Variants in TMEM143 observed in about 807,000 individuals in gnomAD.
TMEM143 encodes the protein transmembrane protein 143.
Under a neutral mutation model 40.3 loss-of-function variants are expected in TMEM143, and 45 were observed. The observed-to-expected ratio is 1.12, with a 90% CI of 0.88 to 1.43. The LOEUF (loss-of-function observed/expected upper bound fraction) is 1.43. Among genes scored for constraint, TMEM143 ranks in the 40% most tolerant of loss-of-function variants. The pLI is 0.00. For synonymous variants in TMEM143, 299 were observed against 282.7 expected, an observed-to-expected ratio of 1.06 and a Z score of -0.58; for missense variants, 620 against 613.4, an observed-to-expected ratio of 1.01 and a Z score of -0.11.
chr19:48,347,173 G>A (rs1025473135), intron 3 of TMEM143, among the ~76,000 whole-genome samples: 2 of 152,094 alleles, frequency 1.3e-5, no homozygotes, highest in Non-Finnish European at 2.9e-5. Context: ...CATATAACTT[G>A]TCCCAGACTC....
chr19:48,363,849 G>T (rs764820321), intron 1 of TMEM143, 49 bp downstream of exon 1: 2 of 1,613,090 alleles, frequency 1.2e-6, no homozygotes, highest in South Asian at 1.1e-5. Flanking sequence ...TACCTAGGGG[G>T]TGCAGGGCCG....
Position 48,345,149 on chromosome 19 carries a change from G to A in TMEM143, c.564+11C>T, listed in dbSNP as rs1271485305. ...CTCCTGGGAGTTTTGTTCTCCTAGG[G>A]AGCCAAGTACCTGGACCTCATCCTG... On this transcript the variant is annotated intron_variant, in intron 4 of 7. Transcript: ENST00000293261. The A allele has an allele frequency of 1.2e-6, 2 of 1,611,870 alleles. No homozygotes were observed. Among genetic ancestry groups the A allele is most frequent in the South Asian group, 1.1e-5 (1 of 91,014 alleles).
Position 48,363,313 on chromosome 19 carries a change from T to A in TMEM143, c.242A>T (p.Gln81Leu). 3 of 1,614,072 alleles carry A rather than the reference T, an allele frequency of 1.9e-6. No individual in the cohort carries two copies. Among genetic ancestry groups the A allele is most frequent in the Non-Finnish European group, 2.5e-6 (3 of 1,179,982 alleles). Residue 81 changes from glutamine to leucine, a missense_variant, in exon 2 of 8, where the codon CAG (glutamine) becomes CTG (leucine). Transcript: ENST00000293261. ...TACCTGTATTAGGAGGCGGAGCAGCTGCTCCTTGGAGAAGGGAATGAAGCG... is the reference window on the plus strand; with the variant it reads ...TACCTGTATTAGGAGGCGGAGCAGCAGCTCCTTGGAGAAGGGAATGAAGCG... Reference protein sequence around the residue: ...RERFIPFSKEQLLRLLIQEFH... With the variant: ...RERFIPFSKELLLRLLIQEFH...
intron 6 of TMEM143, among the ~76,000 whole-genome samples, chr19:48,339,198 G>A (rs1179773487): frequency 6.6e-6 from 1 of 152,154 alleles, no homozygotes; most frequent in Admixed American, 6.5e-5. Flanking sequence ...GGGACAGGAA[G>A]GGTGGGCTGG....
At chr19:48,341,231 C>T (rs780112649) in intron 6 of TMEM143, among the ~76,000 whole-genome samples, 3 of 152,200 alleles carry the variant, frequency 2.0e-5, no homozygotes, top group Admixed American at 6.5e-5. Context: ...GACTCAGCCT[C>T]GAGACAGGAC....
chr19:48,334,480 TTTTC>T (rs150234551), intron 6 of TMEM143, among the ~76,000 whole-genome samples: 17 of 47,520 alleles, frequency 3.6e-4, no homozygotes, highest in South Asian at 6.1e-4. Flanking sequence ...CTTTCTTTCT[TTTTC>T]TTTCTTTCTT....
intron 3 of TMEM143, among the ~76,000 whole-genome samples, chr19:48,358,414 A>T (rs1164806619): frequency 6.6e-6 from 1 of 152,014 alleles, no homozygotes; most frequent in Non-Finnish European, 1.5e-5. Context: ...TAGAATAAAT[A>T]AATTCATAAA....
At chr19:48,361,594 G>A (rs575090756) in intron 2 of TMEM143, among the ~76,000 whole-genome samples, 6 of 144,792 alleles carry the variant, frequency 4.1e-5, no homozygotes, top group South Asian at 4.4e-4. Flanking sequence ...GCAGTGGCAC[G>A]ATCTCGGCTC....
rs763094019 is a variant in TMEM143 at position 48,363,527 on chromosome 19, G to T, written c.28C>A (p.Arg10=). Residue 10 remains arginine, a synonymous_variant, in exon 2 of 8, where the codon CGG becomes AGG. Transcript: ENST00000293261. MTVELWLRL[R]GKGLAMLHVT... ...TGCAGCATGGCTAGACCCTTTCCCC[G>T]GAGCCTAAACAGAGGAAAATGGGCA... The T allele has an allele frequency of 1.2e-6, 2 of 1,608,020 alleles. No homozygotes were observed. Among genetic ancestry groups the T allele is most frequent in the Admixed American group, 1.7e-5 (1 of 59,272 alleles).
At chr19:48,342,358 C>T (rs1175346149) in intron 6 of TMEM143, among the ~76,000 whole-genome samples, 172 bp downstream of exon 6, 1 of 41,524 alleles carries the variant, frequency 2.4e-5, no homozygotes, top group Non-Finnish European at 4.9e-5. Flanking sequence ...GAAGGAAGGA[C>T]AGGGAGGGAA....
Position 48,345,343 on chromosome 19 carries a change from G to T in TMEM143, c.381C>A (p.Asp127Glu). Reference protein sequence around the residue: ...QILARLQALYDPINPDRETLD... With the variant: ...QILARLQALYEPINPDRETLD... ...GGGTCTCCCTGTCAGGGTTGATGGGGTCATATAAGGCCTAAGAGGAGAGTC... is the reference window on the plus strand; with the variant it reads ...GGGTCTCCCTGTCAGGGTTGATGGGTTCATATAAGGCCTAAGAGGAGAGTC... The change falls in exon 4 of 8, where the codon GAC becomes GAA. Residue 127 changes from aspartate (D) to glutamate (E), a missense_variant. Transcript: ENST00000293261. The T allele has an allele frequency of 6.4e-7, 1 of 1,565,184 alleles. No homozygotes were observed. The highest frequency in any genetic ancestry group is 8.6e-7 in the Non-Finnish European group (1 of 1,158,088).
At chr19:48,352,468 TA>T (rs1969799373) in intron 3 of TMEM143, among the ~76,000 whole-genome samples, 2 of 68,600 alleles carry the variant, frequency 2.9e-5, no homozygotes, top group South Asian at 1.2e-3. Flanking sequence ...CACGCACAGT[TA>T]ATTAAAAAAA....
In TMEM143 at chr19:48,333,115, TG is replaced by T; in HGVS notation, c.*103del. On this transcript the variant is annotated 3_prime_UTR_variant, in exon 8 of 8. Coordinates refer to ENST00000293261, the MANE Select transcript of TMEM143 (RefSeq NM_018273.4). The surrounding 1 kb of genome is among the most constrained non-coding windows in gnomAD (Gnocchi z 4.1). ...GCAAAAATAATCACCTGTCAGTTAT[TG>T]GAAGTTGGAGTGAAAAGTATAATAA... is the stretch of plus-strand genomic sequence containing the variant. 1.1e-6 allele frequency: 1 copy of T among 899,962 alleles called. No individual in the cohort carries two copies. The highest frequency in any genetic ancestry group is 3.7e-5 in the Admixed American group (1 of 26,946). 55.7% of individuals were successfully genotyped at this position (899,962 alleles called of 1,614,324 possible).
intron 3 of TMEM143, among the ~76,000 whole-genome samples, chr19:48,359,084 G>A (rs1211722811): frequency 2.6e-5 from 4 of 152,092 alleles, no homozygotes; most frequent in Non-Finnish European, 5.9e-5. Flanking sequence ...GAGGAGAATC[G>A]CTTGAACTGG....
chr19:48,356,277 G>A (rs116743370), intron 3 of TMEM143, among the ~76,000 whole-genome samples: 4 of 147,404 alleles, frequency 2.7e-5, no homozygotes, highest in African/African-American at 5.0e-5. Context: ...GGATTACAGC[G>A]CCACTATGCC....
intron 3 of TMEM143, among the ~76,000 whole-genome samples, chr19:48,357,099 T>C (rs1969921252): frequency 1.3e-5 from 2 of 151,310 alleles, no homozygotes; most frequent in African/African-American, 2.4e-5. Context: ...GAGACGGGGA[T>C]TCATCATGTT....
At chr19:48,343,601 T>A in intron 4 of TMEM143, 150 bp from the exon 5 acceptor site, 1 of 1,049,552 alleles carries the variant, frequency 9.5e-7, no homozygotes, top group Non-Finnish European at 1.4e-6. Context: ...CACATATGGT[T>A]GTCCATGTCG....
At chr19:48,343,480 G>C in intron 4 of TMEM143, 29 bp from the exon 5 acceptor site, 1 of 1,551,952 alleles carries the variant, frequency 6.4e-7, no homozygotes, top group Non-Finnish European at 8.7e-7. Context: ...AAGCAGTGGC[G>C]GGTGAACATG....
At chr19:48,358,782 C>A (rs1969968169) in intron 3 of TMEM143, among the ~76,000 whole-genome samples, 1 of 152,238 alleles carries the variant, frequency 6.6e-6, no homozygotes, top group Non-Finnish European at 1.5e-5. Context: ...CCCTACACTG[C>A]AGCCAGAGAA....
Sources: gnomAD v4.1 joint callset for allele counts (sites outside exome capture counted in the v4.1 genomes callset) on GRCh38, gnomAD v4.1.1 for gene constraint, Gnocchi (gnomAD v3.1) non-coding constraint, MANE v1.5 for transcripts, NCBI Gene and HGNC (gene_info 2026-07-23, HGNC 2026-07-21) for gene names.